SHANK2: variants seen among roughly 807,000 people sequenced by gnomAD.
SHANK2 encodes SH3 and multiple ankyrin repeat domains protein 2.
In SHANK2, 43 loss-of-function variants were observed where a neutral mutation model predicts 133.7. That is an observed-to-expected ratio of 0.32 (90% CI 0.25 to 0.41). SHANK2 has a LOEUF of 0.41. Ranked by LOEUF, SHANK2 falls within the 10% of genes least tolerant of loss-of-function variation. The pLI is 1.00. For missense variants in SHANK2, 1,994 were observed against 2,235.8 expected, an observed-to-expected ratio of 0.89 and a Z score of 2.18; for synonymous variants, 1,017 against 952.8, an observed-to-expected ratio of 1.07 and a Z score of -1.24.
chr11:70,652,726 T>A (rs1356507845), intron 17 of SHANK2, among the ~76,000 whole-genome samples: 2 of 152,132 alleles, frequency 1.3e-5, no homozygotes, highest in African/African-American at 4.8e-5. Context: ...TGGGAGGATC[T>A]TTTGAACCCA....
chr11:71,197,690 G>T (rs1445889900), intron 2 of SHANK2, among the ~76,000 whole-genome samples: 1 of 152,100 alleles, frequency 6.6e-6, no homozygotes, highest in Non-Finnish European at 1.5e-5. Flanking sequence ...TCGCTCTGTC[G>T]CCCAGGCTGG....
At chr11:71,135,592 TTCTCGTGCCTCA>T (rs1952423406) in intron 3 of SHANK2, among the ~76,000 whole-genome samples, 2 of 148,996 alleles carry the variant, frequency 1.3e-5, no homozygotes, top group Admixed American at 1.4e-4. Context: ...GTTCAAGCAA[TTCTCGTGCCTCA>T]GCCACCACAC....
At chr11:70,522,729 C>A (rs2059346103) in intron 17 of SHANK2, among the ~76,000 whole-genome samples, 1 of 152,194 alleles carries the variant, frequency 6.6e-6, no homozygotes, top group African/African-American at 2.4e-5. Flanking sequence ...GACCGTGTCC[C>A]AGTCCCTCAG....
At chr11:70,901,444 C>G (rs149794281) in intron 10 of SHANK2, among the ~76,000 whole-genome samples, 2 of 152,134 alleles carry the variant, frequency 1.3e-5, no homozygotes, top group African/African-American at 2.4e-5. Context: ...CCTGTAAGAA[C>G]GGACGCTGCT....
intron 10 of SHANK2, among the ~76,000 whole-genome samples, chr11:70,948,541 G>A (rs1413436882): frequency 5.3e-5 from 8 of 152,228 alleles, no homozygotes; most frequent in African/African-American, 1.9e-4. Flanking sequence ...GGAACACAGA[G>A]TCTGAATCCC....
intron 17 of SHANK2, among the ~76,000 whole-genome samples, chr11:70,639,746 C>G (rs2061152165): frequency 6.6e-6 from 1 of 152,130 alleles, no homozygotes; most frequent in Non-Finnish European, 1.5e-5. Context: ...TGGCCAGGGA[C>G]ATGAAGGTGC....
chr11:70,513,620 C>T (rs1192771693), intron 17 of SHANK2, among the ~76,000 whole-genome samples: 1 of 152,190 alleles, frequency 6.6e-6, no homozygotes, highest in African/African-American at 2.4e-5. Flanking sequence ...CTTTAAAAAA[C>T]AGCTACTGTA....
intron 17 of SHANK2, among the ~76,000 whole-genome samples, chr11:70,563,281 C>T (rs1554981227): frequency 6.6e-6 from 1 of 152,064 alleles, no homozygotes; most frequent in Non-Finnish European, 1.5e-5. Context: ...TAGTAGACAC[C>T]CTTAACTTAT....
chr11:70,703,777 G>A (rs1945597276), intron 14 of SHANK2, among the ~76,000 whole-genome samples: 2 of 152,178 alleles, frequency 1.3e-5, no homozygotes, highest in South Asian at 4.1e-4. Context: ...TTCTGCCTCA[G>A]AGCTGACCAC....
intron 10 of SHANK2, among the ~76,000 whole-genome samples, chr11:70,906,961 C>A (rs1166109480): frequency 6.6e-6 from 1 of 152,198 alleles, no homozygotes; most frequent in Non-Finnish European, 1.5e-5. Flanking sequence ...AGGGCCAGGG[C>A]CTTTGCAAAT....
chr11:70,870,873 A>G (rs1949448035), intron 11 of SHANK2, among the ~76,000 whole-genome samples: 1 of 152,056 alleles, frequency 6.6e-6, no homozygotes, highest in Non-Finnish European at 1.5e-5. Context: ...GCCCACACAG[A>G]TTCAAGTGAT....
chr11:70,660,902 A>G (rs962482487), intron 16 of SHANK2, among the ~76,000 whole-genome samples: 19 of 152,212 alleles, frequency 1.2e-4, no homozygotes, highest in African/African-American at 4.6e-4. Flanking sequence ...CCACACACAC[A>G]GTGGGCGGAT....
chr11:70,660,736 T>C (rs1202915988), intron 16 of SHANK2, among the ~76,000 whole-genome samples: 1 of 152,078 alleles, frequency 6.6e-6, no homozygotes, highest in Non-Finnish European at 1.5e-5. Context: ...CAGAGACAGA[T>C]GCATCTGCTC....
intron 2 of SHANK2, among the ~76,000 whole-genome samples, chr11:71,176,999 A>G (rs937134851): frequency 4.6e-5 from 7 of 152,250 alleles, no homozygotes; most frequent in African/African-American, 1.7e-4. Context: ...TCCAGAAAAC[A>G]AACTTAAGAA....
intron 10 of SHANK2, among the ~76,000 whole-genome samples, chr11:70,927,232 TTAAAA>T (rs1202750566): frequency 1.3e-5 from 2 of 152,184 alleles, no homozygotes; most frequent in Non-Finnish European, 2.9e-5. Context: ...TCCCATAGTG[TTAAAA>T]TAAATAAGAG....
At position 70,913,110 on chromosome 11, in the gene SHANK2, C is replaced by T. The variant is rs189612674; in HGVS notation, c.1108-16543G>A. 3.6e-3 allele frequency among the ~76,000 whole-genome samples: 545 copies of T among 151,756 alleles called. 4 individuals are homozygous for T. The highest frequency in any genetic ancestry group is 0.012 in the African/African-American group (481 of 41,426). On this transcript the variant is annotated intron_variant, in intron 10 of 25. Coordinates refer to ENST00000601538, the MANE Select transcript of SHANK2 (RefSeq NM_012309.5). ...AAAAAAAAAAAAAAAACCTACCCTC[C>T]CATCCTCTCACAGCCTCCTGGTATG...
intron 17 of SHANK2, among the ~76,000 whole-genome samples, chr11:70,538,259 C>T (rs2059569966): frequency 1.3e-5 from 2 of 152,248 alleles, no homozygotes; most frequent in African/African-American, 4.8e-5. Context: ...GGGCGCTGAC[C>T]TCTTCCAAAC....
intron 4 of SHANK2, 21 bp from the exon 5 acceptor site, chr11:71,113,385 GA>G: frequency 6.5e-7 from 1 of 1,550,184 alleles, no homozygotes; most frequent in Non-Finnish European, 8.7e-7. Context: ...AAACAAAAAA[GA>G]GAGAGAAAAC....
intron 17 of SHANK2, among the ~76,000 whole-genome samples, chr11:70,520,235 CA>C (rs1435784330): frequency 2.6e-5 from 4 of 152,106 alleles, no homozygotes; most frequent in African/African-American, 9.7e-5. Context: ...AACTAAAGCC[CA>C]CATTTTATTC....
Sources: allele counts gnomAD v4.1 joint callset (sites outside exome capture counted in the v4.1 genomes callset), GRCh38; gene constraint gnomAD v4.1.1; transcripts MANE v1.5; gene names NCBI Gene and HGNC (gene_info 2026-07-23, HGNC 2026-07-21).